Variants in RAD54L2 observed in about 807,000 individuals in gnomAD.
The protein encoded by RAD54L2 is RAD54 like 2.
Under a neutral mutation model 138.4 loss-of-function variants are expected in RAD54L2, and 27 were observed. The observed-to-expected ratio is 0.20, with a 90% confidence interval of 0.14 to 0.27. RAD54L2 has a LOEUF of 0.27. Among genes scored for constraint, RAD54L2 ranks in the 10% least tolerant of loss-of-function variants. The probability of loss-of-function intolerance (pLI) is 1.00; values close to 1 mark genes in which losing one functional copy is unlikely to be tolerated. For missense variants in RAD54L2, 1,396 were observed against 1,890.2 expected (o/e 0.74, Z 4.85); for synonymous variants, 644 against 723.2 (o/e 0.89, Z 1.76).
At chr3:51,568,969 C>CT (rs1008438885) in intron 2 of RAD54L2, among the ~76,000 whole-genome samples, 1 of 152,160 alleles carries the variant, frequency 6.6e-6, no homozygotes, top group African/African-American at 2.4e-5. Flanking sequence ...TCTGGAAACA[C>CT]TGAGTCCAAA....
intron 3 of RAD54L2, among the ~76,000 whole-genome samples, chr3:51,602,226 C>G (rs749703031): frequency 6.6e-6 from 1 of 152,118 alleles, no homozygotes; most frequent in Non-Finnish European, 1.5e-5. Flanking sequence ...ATGTACAAGT[C>G]TTTGTGGGGC....
intron 3 of RAD54L2, among the ~76,000 whole-genome samples, chr3:51,616,429 A>T (rs949158429): frequency 2.0e-5 from 3 of 152,086 alleles, no homozygotes; most frequent in East Asian, 1.9e-4. Flanking sequence ...GTTTTTTTTT[A>T]AAAAGTCAGC....
intron 3 of RAD54L2, among the ~76,000 whole-genome samples, chr3:51,593,486 C>T (rs1444933285): frequency 6.6e-6 from 1 of 152,104 alleles, no homozygotes; most frequent in Admixed American, 6.6e-5. Flanking sequence ...GCGCCCACCA[C>T]CATGCGTGGC....
At chr3:51,624,702 T>C (rs1034136919) in intron 3 of RAD54L2, among the ~76,000 whole-genome samples, 1 of 152,236 alleles carries the variant, frequency 6.6e-6, no homozygotes, top group African/African-American at 2.4e-5. Context: ...TCCATCAGTC[T>C]GGCTCCAGTG....
In RAD54L2 at chr3:51,629,490, G is replaced by T. The variant is rs1318331294; in HGVS notation, c.481+17G>T. 5 of 1,610,238 alleles carry T rather than the reference G, an allele frequency of 3.1e-6. No individual in the cohort carries two copies. In the Admixed American group the frequency reaches 6.7e-5, roughly 22 times the overall value. On this transcript the variant is annotated intron_variant, in intron 5 of 22. Transcript: ENST00000684192. ...TCCTCCCTGGTAAGCAGTGGACATGGCAGGGAAGGCCCTTTGCTTCAGGAG... is the reference window on the plus strand; with the variant it reads ...TCCTCCCTGGTAAGCAGTGGACATGTCAGGGAAGGCCCTTTGCTTCAGGAG...
chr3:51,663,106 G>A lies in RAD54L2; in HGVS notation c.4090G>A (p.Ala1364Thr). The change falls in exon 23 of 23, where the codon GCC becomes ACC. Residue 1364 changes from alanine (A) to threonine (T), a missense_variant. Coordinates refer to ENST00000684192, the MANE Select transcript of RAD54L2 (RefSeq NM_015106.4). The part of the protein sequence containing the change: ...SSSSTATSVT[A>T]SNPSFMLNPS... ...CTCTTCCACGGCTACCTCAGTCACT[G>A]CCAGCAACCCCTCCTTCATGCTCAA... is the stretch of plus-strand genomic sequence containing the variant. 6.2e-7 allele frequency: 1 copy of A among 1,613,928 alleles called. No homozygotes were observed. The highest frequency in any genetic ancestry group is 8.5e-7 in the Non-Finnish European group (1 of 1,179,844).
chr3:51,636,802 G>A (rs1195807621), intron 10 of RAD54L2, among the ~76,000 whole-genome samples: 5 of 152,122 alleles, frequency 3.3e-5, no homozygotes, highest in Admixed American at 6.6e-5. Flanking sequence ...GCATGGTGGC[G>A]CATGCCTCTA....
chr3:51,573,889 C>G (rs954621360), intron 2 of RAD54L2, among the ~76,000 whole-genome samples: 4 of 151,794 alleles, frequency 2.6e-5, no homozygotes, highest in African/African-American at 4.8e-5. Context: ...GGTATATGTG[C>G]ACAACGTGTA....
intron 2 of RAD54L2, among the ~76,000 whole-genome samples, chr3:51,558,756 G>A (rs902826200): frequency 6.6e-6 from 1 of 150,604 alleles, no homozygotes; most frequent in African/African-American, 2.4e-5. Flanking sequence ...CAAGCATGAG[G>A]CACCATGCTG....
At chr3:51,541,518 A>G (rs1553671316) in intron 1 of RAD54L2, 71 bp from the exon 2 acceptor site, 1 of 152,038 alleles carries the variant, frequency 6.6e-6, no homozygotes, top group Non-Finnish European at 1.5e-5. Context: ...AAGCCATCAC[A>G]CTCCTTCCCA....
At chr3:51,656,948 G>A (rs1449609801) in intron 20 of RAD54L2, among the ~76,000 whole-genome samples, 1 of 152,064 alleles carries the variant, frequency 6.6e-6, no homozygotes, top group Non-Finnish European at 1.5e-5. Flanking sequence ...TGTTGCCCAG[G>A]CTGGTTTCGA....
chr3:51,589,805 G>T (rs1008737668), intron 2 of RAD54L2, among the ~76,000 whole-genome samples: 3 of 151,932 alleles, frequency 2.0e-5, no homozygotes, highest in Non-Finnish European at 2.9e-5. Flanking sequence ...GATTTCCAAG[G>T]TTTATAGTTT....
chr3:51,610,020 C>T (rs1385604212), intron 3 of RAD54L2, among the ~76,000 whole-genome samples: 1 of 151,906 alleles, frequency 6.6e-6, no homozygotes, highest in Non-Finnish European at 1.5e-5. Context: ...CCTGTAGTCC[C>T]AGCTACTCTG....
At chr3:51,548,837 T>TC (rs2108688315) in intron 2 of RAD54L2, among the ~76,000 whole-genome samples, 1 of 148,778 alleles carries the variant, frequency 6.7e-6, no homozygotes, top group Admixed American at 6.7e-5. Flanking sequence ...TTTTTTTTTT[T>TC]TTTTTTTGAG....
intron 20 of RAD54L2, among the ~76,000 whole-genome samples, chr3:51,656,549 G>A (rs1701605505): frequency 6.6e-6 from 1 of 152,086 alleles, no homozygotes; most frequent in Non-Finnish European, 1.5e-5. Flanking sequence ...TACATAATGA[G>A]AAGACCTGAA....
chr3:51,640,267 T>C (rs1701098522), intron 14 of RAD54L2, among the ~76,000 whole-genome samples: 1 of 152,214 alleles, frequency 6.6e-6, no homozygotes, highest in African/African-American at 2.4e-5. Context: ...AGTTTTTACA[T>C]TTTTAAAAGG....
intron 2 of RAD54L2, among the ~76,000 whole-genome samples, chr3:51,588,577 A>AG (rs981026019): frequency 4.2e-4 from 64 of 152,022 alleles, no homozygotes; most frequent in Admixed American, 2.4e-3. Context: ...TGAAATATAC[A>AG]GAAAAAATGG....
chr3:51,650,365 TAGAC>T (rs1175563089), intron 19 of RAD54L2, among the ~76,000 whole-genome samples: 2 of 152,184 alleles, frequency 1.3e-5, no homozygotes, highest in African/African-American at 4.8e-5. Flanking sequence ...CTGTCAAGAT[TAGAC>T]AGATCAACGA....
At position 51,665,431 on chromosome 3, in the gene RAD54L2, G is replaced by C. The variant is rs1701892473; in HGVS notation, c.*2011G>C. The C allele has an allele frequency of 6.6e-6, 1 of 152,134 alleles. No individual in the cohort carries two copies. The highest frequency in any genetic ancestry group is 2.1e-4 in the South Asian group (1 of 4,826). 9.4% of individuals were successfully genotyped at this position (152,134 alleles called of 1,614,324 possible). A position where few individuals can be genotyped will look rare whatever the true frequency, so the allele number is the denominator to read the frequency against. The stretch of plus-strand genomic sequence containing the variant: ...GAAGAGACAAGGAGATGATGGATGG[G>C]GTGCATGTGTATATGTGTGTTTGTC... On this transcript the variant is annotated 3_prime_UTR_variant, in exon 23 of 23. Coordinates refer to ENST00000684192, the MANE Select transcript of RAD54L2 (RefSeq NM_015106.4).
Sources: gnomAD v4.1 joint callset for allele counts (sites outside exome capture counted in the v4.1 genomes callset) on GRCh38, gnomAD v4.1.1 for gene constraint, MANE v1.5 for transcripts, NCBI Gene and HGNC (gene_info 2026-07-23, HGNC 2026-07-21) for gene names.